Variants in TNNI3K observed in about 807,000 individuals in gnomAD.
TNNI3K encodes serine/threonine-protein kinase TNNI3K.
A neutral mutation model predicts 114.5 loss-of-function variants in TNNI3K; 140 were observed. The observed-to-expected ratio is 1.22, with a 90% CI of 1.07 to 1.41. TNNI3K has a LOEUF of 1.41. Ranked by LOEUF, TNNI3K falls within the 40% of genes most tolerant of loss-of-function variation. The probability of loss-of-function intolerance (pLI) is 0.00; values close to 1 mark genes in which losing one functional copy is unlikely to be tolerated. For missense variants in TNNI3K, 1,125 were observed against 1,007.6 expected (o/e 1.12, Z -1.58); for synonymous variants, 347 against 347.5 (o/e 1.00, Z 0.02).
intron 4 of TNNI3K, among the ~76,000 whole-genome samples, chr1:74,263,034 C>T (rs571737848): frequency 6.6e-6 from 1 of 152,074 alleles, no homozygotes; most frequent in East Asian, 1.9e-4. Flanking sequence ...AAATGAAAGA[C>T]AGACAATGAT....
intron 23 of TNNI3K, among the ~76,000 whole-genome samples, chr1:74,536,684 G>A (rs1646664479): frequency 6.6e-6 from 1 of 151,848 alleles, no homozygotes; most frequent in African/African-American, 2.4e-5. Context: ...ACCCATATAG[G>A]AGCTAATAAT....
At chr1:74,244,521 A>G (rs559051253) in intron 2 of TNNI3K, among the ~76,000 whole-genome samples, 42 of 151,858 alleles carry the variant, frequency 2.8e-4, no homozygotes, top group Admixed American at 1.8e-3. Context: ...AAATAAAGCA[A>G]TGGACCCTGG....
chr1:74,449,190 T>G lies in TNNI3K; in HGVS notation c.2011+9568T>G, dbSNP rs274592. 3.3e-5 allele frequency among the ~76,000 whole-genome samples: 5 copies of G among 151,536 alleles called. No homozygotes were observed. In the South Asian group the frequency reaches 6.3e-4, roughly 19 times the overall value. On this transcript the variant is annotated intron_variant, in intron 20 of 24. Coordinates refer to ENST00000326637, the MANE Select transcript of TNNI3K (RefSeq NM_015978.3). ...TGCAACTTCTTCCTGGTTTAGTCTT[T>G]GGAGAGTGTATGTGTAGAGGAATTT...
intron 21 of TNNI3K, among the ~76,000 whole-genome samples, chr1:74,486,381 AT>A (rs539080126): frequency 6.9e-4 from 105 of 152,260 alleles, no homozygotes; most frequent in African/African-American, 2.4e-3. Context: ...GGTTGATCTA[AT>A]ATAAGCTACT....
intron 21 of TNNI3K, among the ~76,000 whole-genome samples, chr1:74,465,120 C>T (rs899061128): frequency 9.9e-5 from 15 of 152,238 alleles, no homozygotes; most frequent in Non-Finnish European, 2.2e-4. Flanking sequence ...GAGATGACAA[C>T]GTGCTAGCAG....
chr1:74,330,472 A>G (rs560110034), intron 5 of TNNI3K, among the ~76,000 whole-genome samples: 1 of 152,256 alleles, frequency 6.6e-6, no homozygotes, highest in East Asian at 1.9e-4. Context: ...TTGCCAGTAG[A>G]AGTTCAAAGT....
intron 20 of TNNI3K, 38 bp from the exon 21 acceptor site, chr1:74,463,401 CAT>C (rs745606465): frequency 4.4e-6 from 7 of 1,604,600 alleles, no homozygotes; most frequent in Admixed American, 1.7e-5. Context: ...TTGAAATAAA[CAT>C]GTGAATTTCA....
At chr1:74,535,063 G>A (rs1646643499) in intron 23 of TNNI3K, among the ~76,000 whole-genome samples, 1 of 152,176 alleles carries the variant, frequency 6.6e-6, no homozygotes. Flanking sequence ...CTGGCCAAAT[G>A]TTGGACACGT....
At chr1:74,540,934 C>G (rs980730976) in intron 24 of TNNI3K, among the ~76,000 whole-genome samples, 1 of 152,118 alleles carries the variant, frequency 6.6e-6, no homozygotes, top group Non-Finnish European at 1.5e-5. Context: ...TTTCAGGCCT[C>G]TGGAAGCCAG....
rs911055292 is a variant in TNNI3K, at chr1:74,369,779, T to C, written c.1667+194T>C. 6 of 605,018 alleles carry C rather than the reference T, an allele frequency of 9.9e-6. No homozygotes were observed. The African/African-American group carries it at 1.2e-4, about 12-fold the overall frequency. The allele number at this position is 605,018 out of a possible 1,614,324, so 37.5% of individuals were successfully genotyped here. A position where few individuals can be genotyped will look rare whatever the true frequency, so the allele number is the denominator to read the frequency against. On this transcript the variant is annotated intron_variant, in intron 16 of 24. Transcript: ENST00000326637. ...CAATGAATAGAAATACTTTATGCTT[T>C]CTTAGCAGAAATTCAGTTGAAGATA...
chr1:74,464,700 T>A (rs1330130780), intron 21 of TNNI3K: 3 of 1,593,660 alleles, frequency 1.9e-6, no homozygotes, highest in Non-Finnish European at 2.6e-6. Context: ...AGAAGAAAAA[T>A]GAAGATCGTT....
chr1:74,290,649 CTT>C (rs1657622039), intron 5 of TNNI3K, among the ~76,000 whole-genome samples: 1 of 151,714 alleles, frequency 6.6e-6, no homozygotes, highest in Non-Finnish European at 1.5e-5. Flanking sequence ...CATATAAAGA[CTT>C]TGTGAAACAT....
intron 23 of TNNI3K, among the ~76,000 whole-genome samples, chr1:74,514,851 T>A (rs1646326353): frequency 6.6e-6 from 1 of 152,172 alleles, no homozygotes; most frequent in Non-Finnish European, 1.5e-5. Context: ...GTGACCCTAT[T>A]TGGAAACAGG....
Position 74,495,955 on chromosome 1 carries a change from T to C in TNNI3K, c.2351+3689T>C, listed in dbSNP as rs1383195018. The stretch of plus-strand genomic sequence containing the variant: ...TTTAAAGTCAGAGAGCCCAAGGATA[T>C]AAAAATTGATGGACTAAGTACAGGA... On this transcript the variant is annotated intron_variant, in intron 23 of 24. Coordinates refer to ENST00000326637, the MANE Select transcript of TNNI3K (RefSeq NM_015978.3). Among the ~76,000 whole-genome samples, 8 of 152,086 alleles carry C rather than the reference T, an allele frequency of 5.3e-5. No homozygotes were observed. The East Asian group carries it at 1.5e-3, about 29-fold the overall frequency.
At chr1:74,457,937 C>G (rs930165189) in intron 20 of TNNI3K, among the ~76,000 whole-genome samples, 1 of 152,132 alleles carries the variant, frequency 6.6e-6, no homozygotes, top group Non-Finnish European at 1.5e-5. Flanking sequence ...ACTTGGTATT[C>G]ATACCCAAAG....
chr1:74,429,240 A>C (rs1665779335), intron 17 of TNNI3K, among the ~76,000 whole-genome samples: 1 of 152,138 alleles, frequency 6.6e-6, no homozygotes, highest in Non-Finnish European at 1.5e-5. Flanking sequence ...TGTAAGAAGC[A>C]GAGATTAGAT....
chr1:74,433,554 CA>C (rs1665987920), intron 17 of TNNI3K, among the ~76,000 whole-genome samples: 1 of 152,150 alleles, frequency 6.6e-6, no homozygotes, highest in Non-Finnish European at 1.5e-5. Flanking sequence ...TTTATTCTAG[CA>C]CTTGCTAAGT....
At chr1:74,461,260 C>A (rs572152655) in intron 20 of TNNI3K, among the ~76,000 whole-genome samples, 38 of 152,248 alleles carry the variant, frequency 2.5e-4, no homozygotes, top group African/African-American at 7.9e-4. Context: ...GCAGGAGGAT[C>A]ACGAGGTCAG....
chr1:74,287,091 G>T (rs60391144), intron 5 of TNNI3K, among the ~76,000 whole-genome samples: 1 of 146,058 alleles, frequency 6.8e-6, no homozygotes, highest in African/African-American at 2.5e-5. Context: ...ACACAAACTT[G>T]ATCAAGCAGA....
Sources: gnomAD v4.1 joint callset for allele counts (sites outside exome capture counted in the v4.1 genomes callset) on GRCh38, gnomAD v4.1.1 for gene constraint, MANE v1.5 for transcripts, NCBI Gene and HGNC (gene_info 2026-07-23, HGNC 2026-07-21) for gene names.